Variants in ZNF331 observed in about 807,000 individuals in gnomAD.
ZNF331 encodes the protein C2H2-like zinc finger protein rearranged in thyroid adenomas.
ZNF331 carries 2 observed loss-of-function variants against 7.0 expected under a neutral mutation model. The observed-to-expected ratio is 0.29, with a 90% CI of 0.12 to 0.90. ZNF331 has a LOEUF of 0.90. ZNF331 is among the 40% of genes least tolerant of loss of function. The probability of loss-of-function intolerance (pLI) is 0.58; values close to 1 mark genes in which losing one functional copy is unlikely to be tolerated. For synonymous variants in ZNF331, 196 were observed against 205.4 expected, an observed-to-expected ratio of 0.95 and a Z score of 0.39; for missense variants, 432 against 587.7, an observed-to-expected ratio of 0.74 and a Z score of 2.74.
the ZNF331 span, among the ~76,000 whole-genome samples, chr19:53,513,123 C>A: frequency 6.6e-6 from 1 of 151,292 alleles, no homozygotes; most frequent in Admixed American, 6.6e-5. Context: ...CCTCTTCTGT[C>A]CCCAGTTCCT....
At chr19:53,514,863 G>A (rs1198758357), upstream of ZNF331, among the ~76,000 whole-genome samples, 1 of 152,008 alleles carries the variant, frequency 6.6e-6, no homozygotes, top group Non-Finnish European at 1.5e-5. Context: ...TGTTAGCCAG[G>A]ATGGTCTTGA....
upstream of ZNF331, among the ~76,000 whole-genome samples, chr19:53,515,651 C>T (rs553462217): frequency 2.0e-5 from 3 of 152,324 alleles, no homozygotes; most frequent in East Asian, 3.9e-4. Flanking sequence ...GCATGTGCCA[C>T]CACGCCCGGC....
At chr19:53,545,010 C>T (rs746735904) in intron 2 of ZNF331, among the ~76,000 whole-genome samples, 4 of 152,156 alleles carry the variant, frequency 2.6e-5, no homozygotes, top group Non-Finnish European at 5.9e-5. Flanking sequence ...AGGCATGAGC[C>T]ACCATGCCCG....
intron 2 of ZNF331, among the ~76,000 whole-genome samples, chr19:53,550,862 T>A (rs2088958506): frequency 3.3e-5 from 5 of 149,852 alleles, no homozygotes; most frequent in Admixed American, 3.3e-4. Context: ...TTTTTTTCTT[T>A]TTTTTTGAGA....
intron 2 of ZNF331, among the ~76,000 whole-genome samples, chr19:53,551,066 C>CAG (rs2088975378): frequency 6.7e-6 from 1 of 149,000 alleles, no homozygotes; most frequent in South Asian, 2.1e-4. Flanking sequence ...CTCCTGACTT[C>CAG]GTGATCCACC....
intron 2 of ZNF331, among the ~76,000 whole-genome samples, chr19:53,551,115 G>A (rs865903227): frequency 4.4e-4 from 67 of 152,238 alleles, no homozygotes; most frequent in African/African-American, 1.6e-3. Context: ...ACAGGCTTGA[G>A]CCACTGCGCC....
the ZNF331 span, among the ~76,000 whole-genome samples, chr19:53,511,357 A>G: frequency 2.6e-5 from 4 of 152,188 alleles, 1 homozygote; most frequent in African/African-American, 9.7e-5. Context: ...GCAGTGTAAA[A>G]TGAAAATAGG....
intron 2 of ZNF331, among the ~76,000 whole-genome samples, chr19:53,532,211 C>T (rs1362285808): frequency 6.6e-6 from 1 of 152,150 alleles, no homozygotes; most frequent in Non-Finnish European, 1.5e-5. Context: ...TTTATTCCTC[C>T]TCTCTAGCCT....
chr19:53,547,919 T>C (rs1319692553), intron 2 of ZNF331, among the ~76,000 whole-genome samples: 1 of 151,928 alleles, frequency 6.6e-6, no homozygotes, highest in Admixed American at 6.6e-5. Flanking sequence ...TGTTTTGTCA[T>C]TTTTGTTTGT....
the ZNF331 span, among the ~76,000 whole-genome samples, chr19:53,509,402 G>A: frequency 3.3e-5 from 5 of 151,918 alleles, no homozygotes; most frequent in Non-Finnish European, 5.9e-5. Context: ...TCATCATGTC[G>A]GTGCAGAGAT....
chr19:53,514,360 G>A, the ZNF331 span, among the ~76,000 whole-genome samples: 150 of 151,800 alleles, frequency 9.9e-4, 2 homozygotes, highest in South Asian at 2.1e-3. Context: ...CACCACACCC[G>A]GCAAATTTTT....
At chr19:53,575,760 C>T (rs1463832732) in intron 5 of ZNF331, among the ~76,000 whole-genome samples, 12 of 137,920 alleles carry the variant, frequency 8.7e-5, no homozygotes, top group South Asian at 2.4e-4. Flanking sequence ...CTCGGCTCAC[C>T]GCAACTTCTG....
intron 2 of ZNF331, among the ~76,000 whole-genome samples, chr19:53,548,657 T>C (rs1390103602): frequency 6.6e-6 from 1 of 152,060 alleles, no homozygotes; most frequent in Non-Finnish European, 1.5e-5. Context: ...GTGTGGGAGA[T>C]TTTTAGTTTG....
upstream of ZNF331, among the ~76,000 whole-genome samples, chr19:53,519,376 C>T (rs144336277): frequency 0.013 from 1,929 of 152,342 alleles, 18 homozygotes; most frequent in Non-Finnish European, 0.019. Flanking sequence ...TGAAACATTT[C>T]ACAGGGGTTC....
At chr19:53,540,696 C>A (rs1600268815) in intron 2 of ZNF331, among the ~76,000 whole-genome samples, 1 of 52,198 alleles carries the variant, frequency 1.9e-5, no homozygotes, top group South Asian at 4.5e-4. Context: ...CTCAGCCTCC[C>A]AAAGTGCGGG....
chr19:53,517,221 T>C (rs2086923600), upstream of ZNF331, among the ~76,000 whole-genome samples: 1 of 152,076 alleles, frequency 6.6e-6, no homozygotes, highest in Non-Finnish European at 1.5e-5. Flanking sequence ...AGTAGTTGTA[T>C]AGTTAGTAGT....
rs114660638 is a variant in ZNF331, at chr19:53,549,199, C to G, written c.-137-6646C>G. On this transcript the variant is annotated intron_variant, in intron 2 of 5. Coordinates refer to ENST00000449416, the MANE Select transcript of ZNF331 (RefSeq NM_001079906.2). Reference sequence around the variant, plus strand: ...AACAGCATTTATTTAAGAGATCGTCCTTTCCCCATTGTGTGATGTTGGCAC... The same window carrying G: ...AACAGCATTTATTTAAGAGATCGTCGTTTCCCCATTGTGTGATGTTGGCAC... Among the ~76,000 whole-genome samples, 622 of 152,292 alleles carry G rather than the reference C, an allele frequency of 4.1e-3. 4 individuals are homozygous for G. Among genetic ancestry groups the G allele is most frequent in the African/African-American group, 0.014 (588 of 41,558 alleles).
At chr19:53,519,257 C>A (rs979317710), upstream of ZNF331, among the ~76,000 whole-genome samples, 1 of 152,276 alleles carries the variant, frequency 6.6e-6, no homozygotes, top group Non-Finnish European at 1.5e-5. Flanking sequence ...CAATGATTCT[C>A]TCCCAACAAC....
chr19:53,567,974 G>T (rs1334007499), intron 3 of ZNF331, among the ~76,000 whole-genome samples: 1 of 152,208 alleles, frequency 6.6e-6, no homozygotes, highest in Non-Finnish European at 1.5e-5. Context: ...TACGTGGCCA[G>T]GTGTGGTGGC....
Sources: allele counts gnomAD v4.1 joint callset (sites outside exome capture counted in the v4.1 genomes callset), GRCh38; gene constraint gnomAD v4.1.1; transcripts MANE v1.5; gene names NCBI Gene and HGNC (gene_info 2026-07-23, HGNC 2026-07-21).